The following AMY2B variants were observed in gnomAD, a reference collection of about 807,000 sequenced individuals.
AMY2B encodes amylase alpha 2B, also known as alpha-amylase 2B.
AMY2B carries 63 observed loss-of-function variants against 59.3 expected under a neutral mutation model. That is an observed-to-expected ratio of 1.06 (90% CI 0.87 to 1.31). AMY2B has a LOEUF of 1.31. AMY2B is among the 50% of genes most tolerant of loss of function. The probability of loss-of-function intolerance (pLI) is 0.00; values close to 1 mark genes in which losing one functional copy is unlikely to be tolerated. For synonymous variants in AMY2B, 180 were observed against 198.1 expected (o/e 0.91, Z 0.77); for missense variants, 635 against 626.7 (o/e 1.01, Z -0.14).
At chr1:103,562,293 G>A (rs1035982934) in intron 1 of AMY2B, among the ~76,000 whole-genome samples, 2 of 152,094 alleles carry the variant, frequency 1.3e-5, no homozygotes, top group Admixed American at 6.6e-5. Flanking sequence ...GGCTCAAAAG[G>A]TTTCTCTGAT....
At chr1:103,573,297 G>A (rs1652212085) in intron 3 of AMY2B, 37 bp downstream of exon 3, 2 of 1,612,348 alleles carry the variant, frequency 1.2e-6, no homozygotes, top group Non-Finnish European at 1.7e-6. Context: ...AATAAGGGGT[G>A]ATATATGCCT....
At chr1:103,571,049 G>T (rs1182503773), upstream of AMY2B, 60 of 489,450 alleles carry the variant, frequency 1.2e-4, no homozygotes, top group Non-Finnish European at 1.6e-4. Context: ...GAGTGTTCTG[G>T]GATTTGTCTA....
chr1:103,563,581 A>T (rs1280908454), intron 1 of AMY2B, among the ~76,000 whole-genome samples: 1 of 152,116 alleles, frequency 6.6e-6, no homozygotes, highest in East Asian at 1.9e-4. Context: ...GAAAATTAAG[A>T]TCAAATGAGA....
intron 1 of AMY2B, among the ~76,000 whole-genome samples, chr1:103,556,079 A>G (rs1651538429): frequency 6.6e-6 from 1 of 152,168 alleles, no homozygotes; most frequent in Non-Finnish European, 1.5e-5. Context: ...TTCTCAGAGA[A>G]ATAGGAAACA....
At chr1:103,573,360 C>T in intron 3 of AMY2B, 100 bp downstream of exon 3, 1 of 1,572,768 alleles carries the variant, frequency 6.4e-7, no homozygotes. Context: ...GAATTTAGAT[C>T]TCTTAGGGAC....
At chr1:103,568,043 T>G (rs1651969791), upstream of AMY2B, among the ~76,000 whole-genome samples, 1 of 152,242 alleles carries the variant, frequency 6.6e-6, no homozygotes, top group Non-Finnish European at 1.5e-5. Flanking sequence ...TTTATGATTT[T>G]ATACTAGTTC....
rs1317876066 is a variant in AMY2B, at chr1:103,575,271, CTT to C, written c.929_930del (p.Phe310CysfsTer3). 8.7e-6 allele frequency: 14 copies of C among 1,613,500 alleles called. No homozygotes were observed. The highest frequency in any genetic ancestry group is 1.1e-5 in the Non-Finnish European group (13 of 1,179,684). ...TCATGCCTTCTGACAGAGCACTTGT[CTT>C]TGTGGATAACCATGACAATCAACGA... is the stretch of plus-strand genomic sequence containing the variant. ...GFMPSDRALVFVDNHDNQRGH... is the reference protein window; with the variant it reads ...GFMPSDRALVXVDNHDNQRGH... On this transcript the variant is annotated frameshift_variant, in exon 6 of 10. Coordinates refer to ENST00000684275, the MANE Select transcript of AMY2B (RefSeq NM_001387437.1). LOFTEE classifies it high-confidence loss of function.
At chr1:103,577,159 G>A (rs1652389589) in intron 7 of AMY2B, among the ~76,000 whole-genome samples, 1 of 152,198 alleles carries the variant, frequency 6.6e-6, no homozygotes, top group South Asian at 2.1e-4. Flanking sequence ...GATCGCTTGA[G>A]CCTGGGAGAT....
upstream of AMY2B, chr1:103,571,133 G>A (rs570553560): frequency 2.1e-6 from 2 of 968,206 alleles, no homozygotes; most frequent in East Asian, 1.7e-4. Context: ...CCAAGCCATA[G>A]GACCCAGTTT....
chr1:103,559,828 T>TATTG (rs1651677179), intron 1 of AMY2B, among the ~76,000 whole-genome samples: 1 of 152,084 alleles, frequency 6.6e-6, no homozygotes, highest in Non-Finnish European at 1.5e-5. Context: ...TACTATAATA[T>TATTG]ATTGCTACTA....
upstream of AMY2B, chr1:103,570,453 G>A: frequency 4.0e-6 from 3 of 754,864 alleles, no homozygotes; most frequent in Non-Finnish European, 7.1e-6. Flanking sequence ...GCTATCTGGT[G>A]GCAACATGTA....
At chr1:103,570,934 G>A (rs902219564), upstream of AMY2B, 3 of 348,404 alleles carry the variant, frequency 8.6e-6, no homozygotes, top group Non-Finnish European at 1.7e-5. Flanking sequence ...CATGTGGCTT[G>A]GTCACTTCAT....
upstream of AMY2B, among the ~76,000 whole-genome samples, chr1:103,567,566 A>C (rs1004738882): frequency 1.2e-4 from 19 of 152,202 alleles, no homozygotes; most frequent in African/African-American, 4.3e-4. Context: ...GCCCTAGTCC[A>C]AGCCACTCAC....
chr1:103,574,602 C>G (rs1402398242), intron 5 of AMY2B, among the ~76,000 whole-genome samples: 1 of 152,028 alleles, frequency 6.6e-6, no homozygotes, highest in Admixed American at 6.6e-5. Flanking sequence ...GAACGCTAAA[C>G]ATATCCTAGG....
chr1:103,569,782 C>T (rs1570643444), upstream of AMY2B: 1 of 443,298 alleles, frequency 2.3e-6, no homozygotes, highest in Non-Finnish European at 4.6e-6. Flanking sequence ...GTATCATGAC[C>T]AACTGGGATG....
intron 1 of AMY2B, among the ~76,000 whole-genome samples, chr1:103,555,592 AATT>A (rs1161725768): frequency 6.6e-6 from 1 of 152,132 alleles, no homozygotes; most frequent in Non-Finnish European, 1.5e-5. Context: ...TCCCACATAA[AATT>A]ATTCTGTTCC....
chr1:103,571,982 G>C (rs1652151363), intron 1 of AMY2B, 128 bp from the exon 2 acceptor site: 2 of 1,549,524 alleles, frequency 1.3e-6, no homozygotes, highest in African/African-American at 2.8e-5. Flanking sequence ...CCAATGTGCT[G>C]TTAATATTTT....
At chr1:103,578,106 A>G (rs1652435901) in intron 9 of AMY2B, among the ~76,000 whole-genome samples, 1 of 152,224 alleles carries the variant, frequency 6.6e-6, no homozygotes, top group African/African-American at 2.4e-5. Flanking sequence ...TTGAATGCAC[A>G]TACATATGCT....
In AMY2B at chr1:103,579,421, A is replaced by T. The variant is rs1652486862; in HGVS notation, c.1457A>T (p.Asp486Val). Residue 486 changes from aspartate (D) to valine (V), a missense_variant, in exon 10 of 10, where the codon GAC (aspartate) becomes GTC (valine). By Grantham distance (152) the Asp-to-Val change is radical. Transcript: ENST00000684275. ...ACAGGCATTAAAATCTACGTTTCTGACGATGGCAAAGCTCATTTTTCTATT... is the reference window on the plus strand; with the variant it reads ...ACAGGCATTAAAATCTACGTTTCTGTCGATGGCAAAGCTCATTTTTCTATT... ...NCTGIKIYVS[D>V]DGKAHFSISN... is the part of the protein sequence containing the mutation. 1 of 1,611,830 alleles carries T rather than the reference A, an allele frequency of 6.2e-7. No homozygotes were observed. The highest frequency in any genetic ancestry group is 8.5e-7 in the Non-Finnish European group (1 of 1,179,732).
Sources: allele counts gnomAD v4.1 joint callset (sites outside exome capture counted in the v4.1 genomes callset), GRCh38; gene constraint gnomAD v4.1.1; transcripts MANE v1.5; gene names NCBI Gene and HGNC (gene_info 2026-07-23, HGNC 2026-07-21).